ERI3: variants seen among roughly 807,000 people sequenced by gnomAD.
ERI3 encodes ERI1 exoribonuclease 3.
In ERI3, 18 loss-of-function variants were observed where a neutral mutation model predicts 44.4. The observed-to-expected ratio is 0.41, with a 90% CI of 0.28 to 0.60. The LOEUF is 0.60. Among genes scored for constraint, ERI3 ranks in the 20% least tolerant of loss-of-function variants. The pLI is 0.36. For missense variants in ERI3, 294 were observed against 435.5 expected (o/e 0.68, Z 2.89); for synonymous variants, 183 against 164.8 (o/e 1.11, Z -0.84).
rs144564304 is a variant in ERI3, at chr1:44,232,084, C to T, written c.932-10444G>A. Reference sequence around the variant, plus strand: ...TTAACCGACCTTAGGATCGCCTTACCGCCAAATTTCTTTTGTGAGATAATA... The same window carrying T: ...TTAACCGACCTTAGGATCGCCTTACTGCCAAATTTCTTTTGTGAGATAATA... On this transcript the variant is annotated intron_variant, in intron 8 of 8. Coordinates refer to ENST00000372257, the MANE Select transcript of ERI3 (RefSeq NM_024066.3). Among the ~76,000 whole-genome samples the T allele has an allele frequency of 1.4e-4, 22 of 152,238 alleles. No individual in the cohort carries two copies. The East Asian group carries it at 2.1e-3, about 15-fold the overall frequency.
Position 44,228,936 on chromosome 1 carries a change from C to A in ERI3, c.932-7296G>T, listed in dbSNP as rs1313085738. On this transcript the variant is annotated intron_variant, in intron 8 of 8. Coordinates refer to ENST00000372257, the MANE Select transcript of ERI3 (RefSeq NM_024066.3). The surrounding 1 kb of genome is among the most constrained non-coding windows in gnomAD (Gnocchi z 4.3). ...CCTGGCAGGACATGTCAACGTCATTCAAACCCCAATACAGAATGAGGACAG... is the reference window on the plus strand; with the variant it reads ...CCTGGCAGGACATGTCAACGTCATTAAAACCCCAATACAGAATGAGGACAG... Among the ~76,000 whole-genome samples, 1 of 152,228 alleles carries A rather than the reference C, an allele frequency of 6.6e-6. No individual in the cohort carries two copies. Among genetic ancestry groups the A allele is most frequent in the Non-Finnish European group, 1.5e-5 (1 of 68,032 alleles).
chr1:44,284,951 TC>T, intron 6 of ERI3, 44 bp from the exon 7 acceptor site: 1 of 1,536,794 alleles, frequency 6.5e-7, no homozygotes. Context: ...CGCATCCATG[TC>T]CCAGGTATGA....
chr1:44,332,552 C>T (rs983900763), intron 3 of ERI3, among the ~76,000 whole-genome samples: 14 of 152,196 alleles, frequency 9.2e-5, no homozygotes, highest in Non-Finnish European at 1.6e-4. Context: ...TAAACCGCTT[C>T]GATCCTGCCT....
rs1223605910 is a variant in ERI3 at position 44,233,076 on chromosome 1, G to A, written c.932-11436C>T. On this transcript the variant is annotated intron_variant, in intron 8 of 8. Transcript: ENST00000372257. ...CTTCTCTGTGCCTGCCACCTGGAGC[G>A]TATGACTAGAGAAAATCACAACCAT... Among the ~76,000 whole-genome samples, 3 of 152,200 alleles carry A rather than the reference G, an allele frequency of 2.0e-5. No individual in the cohort carries two copies. In the South Asian group the frequency reaches 6.2e-4, roughly 32 times the overall value.
At chr1:44,226,751 TCTTG>T (rs1319933979) in intron 8 of ERI3, among the ~76,000 whole-genome samples, 1 of 149,032 alleles carries the variant, frequency 6.7e-6, no homozygotes. Context: ...TAGGCTAATG[TCTTG>T]CTTCTCTATC....
At chr1:44,279,194 G>T (rs1294302392) in intron 7 of ERI3, among the ~76,000 whole-genome samples, 1 of 151,642 alleles carries the variant, frequency 6.6e-6, no homozygotes, top group Non-Finnish European at 1.5e-5. Context: ...CCACTTCCAT[G>T]CTTTAATTAT....
At chr1:44,342,337 T>TA (rs932335467) in intron 2 of ERI3, among the ~76,000 whole-genome samples, 3 of 152,112 alleles carry the variant, frequency 2.0e-5, no homozygotes, top group African/African-American at 7.2e-5. Flanking sequence ...GCAGTGGCAG[T>TA]AATGAGGATT....
chr1:44,310,967 A>ACGCGCG (rs1293804657), intron 5 of ERI3, among the ~76,000 whole-genome samples: 2 of 67,978 alleles, frequency 2.9e-5, no homozygotes, highest in African/African-American at 1.1e-4. Flanking sequence ...GCGCGCGCAC[A>ACGCGCG]CACACACACA....
intron 7 of ERI3, among the ~76,000 whole-genome samples, chr1:44,260,218 T>C (rs1253177834): frequency 6.6e-6 from 1 of 152,176 alleles, no homozygotes; most frequent in Non-Finnish European, 1.5e-5. Context: ...TAATGGCCCA[T>C]AACTGTGATA....
At chr1:44,348,117 TAG>T (rs1646820731) in intron 2 of ERI3, among the ~76,000 whole-genome samples, 1 of 152,200 alleles carries the variant, frequency 6.6e-6, no homozygotes, top group African/African-American at 2.4e-5. Context: ...ACATGCTAAT[TAG>T]AACAGAGCAG....
At chr1:44,292,280 G>A (rs1324154576) in intron 6 of ERI3, among the ~76,000 whole-genome samples, 1 of 152,090 alleles carries the variant, frequency 6.6e-6, no homozygotes, top group South Asian at 2.1e-4. Flanking sequence ...GAGGGAAGGA[G>A]ATATGAATAG....
chr1:44,321,968 G>A (rs915588413), intron 3 of ERI3, among the ~76,000 whole-genome samples: 1 of 151,448 alleles, frequency 6.6e-6, no homozygotes, highest in African/African-American at 2.5e-5. Context: ...ATGAAATTAG[G>A]AGTTGACATT....
At chr1:44,270,619 C>G (rs1169783556) in intron 7 of ERI3, among the ~76,000 whole-genome samples, 1 of 152,200 alleles carries the variant, frequency 6.6e-6, no homozygotes. Flanking sequence ...TGAGGCTCAT[C>G]ATGGGACTAG....
At chr1:44,318,589 C>T (rs1394658739) in intron 4 of ERI3, among the ~76,000 whole-genome samples, 3 of 152,212 alleles carry the variant, frequency 2.0e-5, no homozygotes, top group Non-Finnish European at 4.4e-5. Flanking sequence ...GGTCAGCTGG[C>T]AAACACTGGC....
chr1:44,238,017 A>C (rs1644344732), intron 8 of ERI3, among the ~76,000 whole-genome samples: 1 of 152,108 alleles, frequency 6.6e-6, no homozygotes, highest in Admixed American at 6.5e-5. Flanking sequence ...CCCCTGCCCC[A>C]GAATACCTCC....
At chr1:44,251,910 A>G (rs937889854) in intron 7 of ERI3, among the ~76,000 whole-genome samples, 2 of 152,172 alleles carry the variant, frequency 1.3e-5, no homozygotes, top group Admixed American at 6.5e-5. Context: ...TATGGGGCCC[A>G]GAAGCTTTCT....
chr1:44,259,875 C>CTAAA (rs1553185591), intron 7 of ERI3, among the ~76,000 whole-genome samples: 1 of 135,854 alleles, frequency 7.4e-6, no homozygotes, highest in African/African-American at 2.8e-5. Context: ...GGAAAACCCT[C>CTAAA]TAGATAGATA....
At chr1:44,331,795 T>C (rs1048352054) in intron 3 of ERI3, among the ~76,000 whole-genome samples, 2 of 152,236 alleles carry the variant, frequency 1.3e-5, no homozygotes, top group Admixed American at 1.3e-4. Context: ...CTTCCTGCTA[T>C]AACAGTTCTG....
intron 2 of ERI3, among the ~76,000 whole-genome samples, chr1:44,342,858 T>TATATAAA (rs1408660607): frequency 8.8e-5 from 1 of 11,380 alleles, no homozygotes; most frequent in Non-Finnish European, 1.6e-4. Context: ...TATATATATA[T>TATATAAA]TTTTTTTTTT....
Sources: gnomAD v4.1 joint callset for allele counts (sites outside exome capture counted in the v4.1 genomes callset) on GRCh38, gnomAD v4.1.1 for gene constraint, Gnocchi (gnomAD v3.1) non-coding constraint, MANE v1.5 for transcripts, NCBI Gene and HGNC (gene_info 2026-07-23, HGNC 2026-07-21) for gene names.